NREP: variants seen among roughly 807,000 people sequenced by gnomAD.
NREP encodes neuronal regeneration related protein.
A neutral mutation model predicts 8.6 loss-of-function variants in NREP; 5 were observed. The observed-to-expected ratio is 0.58, with a 90% CI of 0.30 to 1.22. The LOEUF is 1.22. Among genes scored for constraint, NREP ranks in the 50% most tolerant of loss-of-function variants. The probability of loss-of-function intolerance (pLI) is 0.07; values close to 1 mark genes in which losing one functional copy is unlikely to be tolerated. For missense variants in NREP, 86 were observed against 82.5 expected (o/e 1.04, Z -0.17); for synonymous variants, 27 against 28.0 (o/e 0.96, Z 0.11).
chr5:111,732,123 A>AAGAC (rs1491523092), intron 3 of NREP: 2 of 152,114 alleles, frequency 1.3e-5, no homozygotes, highest in Non-Finnish European at 2.9e-5. Context: ...ATGTTCTAAC[A>AAGAC]AGACAGTTTT....
chr5:111,854,499 A>G lies in NREP; in HGVS notation c.136-118992T>C, dbSNP rs556050424. 3.3e-5 allele frequency among the ~76,000 whole-genome samples: 5 copies of G among 152,226 alleles called. No homozygotes were observed. In the East Asian group the frequency reaches 9.7e-4, roughly 29 times the overall value. On this transcript the variant is annotated intron_variant, in intron 2 of 3. Transcript: ENST00000395634. Reference sequence around the variant, plus strand: ...TGTGAAGCTGTAGACAGGCTACATAATCTCCCCGAGCTTCACTGTTTACAT... The same window carrying G: ...TGTGAAGCTGTAGACAGGCTACATAGTCTCCCCGAGCTTCACTGTTTACAT...
intron 2 of NREP, among the ~76,000 whole-genome samples, chr5:111,923,767 C>G (rs187365056): frequency 4.6e-5 from 7 of 152,162 alleles, no homozygotes; most frequent in African/African-American, 1.4e-4. Context: ...AGGGTCATTC[C>G]CTTTCTTTCT....
intron 2 of NREP, among the ~76,000 whole-genome samples, chr5:111,888,345 G>T (rs1754312871): frequency 6.6e-6 from 1 of 151,728 alleles, no homozygotes; most frequent in Admixed American, 6.6e-5. Flanking sequence ...TGGGTGGCGG[G>T]GGGGGTCTCA....
intron 2 of NREP, among the ~76,000 whole-genome samples, chr5:111,826,598 G>C (rs994205344): frequency 2.6e-5 from 4 of 152,186 alleles, no homozygotes; most frequent in Non-Finnish European, 4.4e-5. Context: ...AGGGGTCCGT[G>C]GCTTCATTCT....
rs542671054 is a variant in NREP at position 111,886,972 on chromosome 5, T to G, written c.135+88302A>C. ...ATGTACCCTAAAACTTAAAGTAGAT[T>G]AATAATAAAATAAAAAATAGAAAAA... On this transcript the variant is annotated intron_variant, in intron 2 of 3. Transcript: ENST00000395634. Among the ~76,000 whole-genome samples the G allele has an allele frequency of 3.0e-4, 46 of 151,008 alleles. 1 individual carries two copies. The South Asian group carries it at 9.5e-3, about 31-fold the overall frequency.
At chr5:111,926,714 G>T (rs1453587190) in intron 2 of NREP, among the ~76,000 whole-genome samples, 1 of 151,948 alleles carries the variant, frequency 6.6e-6, no homozygotes, top group African/African-American at 2.4e-5. Flanking sequence ...AGAAAGAGAG[G>T]GGGAAGAAAA....
intron 2 of NREP, among the ~76,000 whole-genome samples, chr5:111,906,164 A>C (rs1447992466): frequency 9.9e-5 from 15 of 152,062 alleles, no homozygotes; most frequent in Non-Finnish European, 2.1e-4. Flanking sequence ...GTGCCTCATA[A>C]TATAACCATT....
At chr5:111,876,778 G>T (rs1753920513) in intron 2 of NREP, among the ~76,000 whole-genome samples, 1 of 152,088 alleles carries the variant, frequency 6.6e-6, no homozygotes, top group South Asian at 2.1e-4. Flanking sequence ...TCTCTGCCAG[G>T]CACTAGTCTA....
chr5:111,835,297 G>T (rs1268687723), intron 2 of NREP, among the ~76,000 whole-genome samples: 3 of 152,020 alleles, frequency 2.0e-5, no homozygotes, highest in African/African-American at 7.2e-5. Flanking sequence ...TCATTCATTT[G>T]TCTATTTGAG....
chr5:111,827,704 G>A (rs1323773473), intron 2 of NREP, among the ~76,000 whole-genome samples: 2 of 152,078 alleles, frequency 1.3e-5, no homozygotes, highest in African/African-American at 4.8e-5. Context: ...TTAGCTGGGT[G>A]TGGTGGTGTG....
intron 2 of NREP, among the ~76,000 whole-genome samples, chr5:111,774,233 GA>G (rs746262476): frequency 0.12 from 17,470 of 150,512 alleles, 1,252 homozygotes; most frequent in African/African-American, 0.19. Context: ...AGAAGGGAGG[GA>G]AGGAAGAAGG....
intron 2 of NREP, among the ~76,000 whole-genome samples, chr5:111,746,880 G>C (rs1229468938): frequency 6.6e-6 from 1 of 152,038 alleles, no homozygotes; most frequent in Non-Finnish European, 1.5e-5. Context: ...TTAAACGGTG[G>C]GTACATTCCC....
chr5:111,965,965 A>C (rs1369712700), intron 2 of NREP, among the ~76,000 whole-genome samples: 1 of 152,236 alleles, frequency 6.6e-6, no homozygotes, highest in African/African-American at 2.4e-5. Flanking sequence ...TGAAGCCCCC[A>C]GGTTAACAGG....
intron 2 of NREP, among the ~76,000 whole-genome samples, chr5:111,906,714 T>A (rs987913578): frequency 3.9e-5 from 6 of 152,040 alleles, no homozygotes; most frequent in Non-Finnish European, 7.4e-5. Flanking sequence ...GCTTTTCTAA[T>A]AGGTGTGTAG....
At chr5:111,832,029 T>A (rs548726543) in intron 2 of NREP, among the ~76,000 whole-genome samples, 1 of 152,258 alleles carries the variant, frequency 6.6e-6, no homozygotes, top group African/African-American at 2.4e-5. Context: ...CTGGATGTAT[T>A]GGAACCTTCT....
At chr5:111,902,843 A>C (rs1754678158) in intron 2 of NREP, among the ~76,000 whole-genome samples, 1 of 152,018 alleles carries the variant, frequency 6.6e-6, no homozygotes, top group South Asian at 2.1e-4. Flanking sequence ...TTGGCTTCTG[A>C]CTTGTTTTTG....
At chr5:111,932,019 T>C (rs1755551691) in intron 2 of NREP, among the ~76,000 whole-genome samples, 1 of 150,900 alleles carries the variant, frequency 6.6e-6, no homozygotes, top group Non-Finnish European at 1.5e-5. Flanking sequence ...AGAAAAAGTA[T>C]CCTGAATGAT....
intron 2 of NREP, among the ~76,000 whole-genome samples, chr5:111,893,678 T>C (rs936447185): frequency 1.7e-4 from 26 of 150,640 alleles, no homozygotes; most frequent in Non-Finnish European, 1.5e-5. Flanking sequence ...GGTTAAGGGT[T>C]ATATTTAACC....
chr5:111,870,060 G>T (rs1208248611), intron 2 of NREP, among the ~76,000 whole-genome samples: 1 of 152,132 alleles, frequency 6.6e-6, no homozygotes, highest in East Asian at 1.9e-4. Flanking sequence ...GCCCTTGCAG[G>T]GGTGGCCAGC....
Sources: gnomAD v4.1 joint callset for allele counts (sites outside exome capture counted in the v4.1 genomes callset) on GRCh38, gnomAD v4.1.1 for gene constraint, MANE v1.5 for transcripts, NCBI Gene and HGNC (gene_info 2026-07-23, HGNC 2026-07-21) for gene names.